Variants in FRMD3 observed in about 807,000 individuals in gnomAD.
FRMD3 encodes the protein FERM domain-containing protein 3.
Under a neutral mutation model 70.2 loss-of-function variants are expected in FRMD3, and 33 were observed. The observed-to-expected ratio is 0.47, with a 90% CI of 0.36 to 0.63. The LOEUF (loss-of-function observed/expected upper bound fraction) is 0.63. Among genes scored for constraint, FRMD3 ranks in the 20% least tolerant of loss-of-function variants. The probability of loss-of-function intolerance (pLI) is 0.00; values close to 1 mark genes in which losing one functional copy is unlikely to be tolerated. For missense variants in FRMD3, 632 were observed against 711.4 expected, an observed-to-expected ratio of 0.89 and a Z score of 1.27; for synonymous variants, 279 against 255.9, an observed-to-expected ratio of 1.09 and a Z score of -0.86.
intron 1 of FRMD3, among the ~76,000 whole-genome samples, chr9:83,508,901 T>C (rs1426367138): frequency 2.6e-5 from 4 of 152,136 alleles, no homozygotes; most frequent in African/African-American, 9.7e-5. Context: ...ATCTGGTCTG[T>C]TACAGAAAAA....
At chr9:83,258,733 A>C (rs534847840) in intron 13 of FRMD3, among the ~76,000 whole-genome samples, 1 of 152,304 alleles carries the variant, frequency 6.6e-6, no homozygotes, top group South Asian at 2.1e-4. Flanking sequence ...TGTCTTTCCT[A>C]TGTGAAATCT....
chr9:83,284,817 G>T (rs1320370722), intron 13 of FRMD3, among the ~76,000 whole-genome samples: 1 of 152,184 alleles, frequency 6.6e-6, no homozygotes, highest in Non-Finnish European at 1.5e-5. Flanking sequence ...ACGTCAGACA[G>T]GCAGGGAGGA....
At chr9:83,521,226 A>G (rs928181194) in intron 1 of FRMD3, among the ~76,000 whole-genome samples, 2 of 152,200 alleles carry the variant, frequency 1.3e-5, no homozygotes, top group African/African-American at 4.8e-5. Flanking sequence ...TTGTGAAACT[A>G]TCACCATCCC....
the FRMD3 span, among the ~76,000 whole-genome samples, chr9:83,560,073 C>T: frequency 6.6e-6 from 1 of 152,142 alleles, no homozygotes; most frequent in Non-Finnish European, 1.5e-5. Context: ...TCTAGCTGTC[C>T]ACCAAAATAC....
chr9:83,307,839 A>T (rs529466539), intron 10 of FRMD3, among the ~76,000 whole-genome samples: 233 of 152,240 alleles, frequency 1.5e-3, no homozygotes, highest in Middle Eastern at 3.4e-3. Context: ...AATTTTTTTT[A>T]AAACAAAATA....
At chr9:83,500,273 T>TACA (rs1281803824) in intron 1 of FRMD3, among the ~76,000 whole-genome samples, 1 of 152,076 alleles carries the variant, frequency 6.6e-6, no homozygotes, top group African/African-American at 2.4e-5. Flanking sequence ...TATAAAAGTT[T>TACA]GTCAATTACA....
At chr9:83,512,650 A>G (rs535710634) in intron 1 of FRMD3, among the ~76,000 whole-genome samples, 1 of 152,252 alleles carries the variant, frequency 6.6e-6, no homozygotes, top group South Asian at 2.1e-4. Flanking sequence ...AGCAAAACAA[A>G]TCTCCAGCCC....
At chr9:83,285,993 T>G (rs1834192761) in intron 13 of FRMD3, among the ~76,000 whole-genome samples, 1 of 151,976 alleles carries the variant, frequency 6.6e-6, no homozygotes, top group Non-Finnish European at 1.5e-5. Context: ...ACTGATTTTG[T>G]TTTTTCTCCA....
At chr9:83,474,010 C>T (rs1828333841) in intron 1 of FRMD3, among the ~76,000 whole-genome samples, 1 of 152,166 alleles carries the variant, frequency 6.6e-6, no homozygotes, top group African/African-American at 2.4e-5. Context: ...TATGTTTTTG[C>T]ATTCAATGCT....
chr9:83,507,694 AT>A (rs1440540982), intron 1 of FRMD3, among the ~76,000 whole-genome samples: 10 of 30,464 alleles, frequency 3.3e-4, no homozygotes, highest in Admixed American at 2.3e-3. Flanking sequence ...ATACATACAT[AT>A]ATATATATAT....
rs181863483 is a variant in FRMD3, at chr9:83,387,479, C to T, written c.252+2125G>A. Among the ~76,000 whole-genome samples the T allele has an allele frequency of 2.6e-3, 397 of 152,304 alleles. 3 individuals carry two copies. The highest frequency in any genetic ancestry group is 8.9e-3 in the African/African-American group (368 of 41,568). ...AGACGAGGCTATAATGAAGAACACTCATGGTACATGATAGATGCTCAACTA... is the reference window on the plus strand; with the variant it reads ...AGACGAGGCTATAATGAAGAACACTTATGGTACATGATAGATGCTCAACTA... On this transcript the variant is annotated intron_variant, in intron 2 of 13. Transcript: ENST00000304195.
Position 83,357,245 on chromosome 9 carries a change from ACATATATATATATATATATATATATATAT to A in FRMD3, c.296-7517_296-7489del, listed in dbSNP as rs1824405234. Among the ~76,000 whole-genome samples, 6 of 6,484 alleles carry A rather than the reference ACATATATATATATATATATATATATATAT, an allele frequency of 9.3e-4. 2 individuals carry two copies. The highest frequency in any genetic ancestry group is 1.2e-3 in the Non-Finnish European group (4 of 3,460). 4.3% of individuals were successfully genotyped at this position (6,484 alleles called of 152,430 possible). ...TATATTTTATATATATATAATACATACATATATATATATATATATATATATATATATATATATATATATATATATATAAA... is the reference window on the plus strand; with the variant it reads ...TATATTTTATATATATATAATACATAATATATATATATATATATATATAAA... On this transcript the variant is annotated intron_variant, in intron 3 of 13. Coordinates refer to ENST00000304195, the MANE Select transcript of FRMD3 (RefSeq NM_174938.6).
At chr9:83,522,075 G>A (rs1022184936) in intron 1 of FRMD3, among the ~76,000 whole-genome samples, 9 of 152,162 alleles carry the variant, frequency 5.9e-5, no homozygotes, top group Admixed American at 5.9e-4. Context: ...GGTGTGGGAC[G>A]TCTCTTGAAA....
Position 83,296,782 on chromosome 9 carries a change from A to G in FRMD3, c.1070+1966T>C, listed in dbSNP as rs149923555. 2.2e-3 allele frequency among the ~76,000 whole-genome samples: 329 copies of G among 152,316 alleles called. 6 individuals carry two copies. In the East Asian group the frequency reaches 0.054, roughly 25 times the overall value. ...CCACTTTCCTCGCACTCTGGGGTTC[A>G]GTCTACTCCAAGAAAAGTGCTTCAC... On this transcript the variant is annotated intron_variant, in intron 12 of 13. Coordinates refer to ENST00000304195, the MANE Select transcript of FRMD3 (RefSeq NM_174938.6).
At chr9:83,514,565 C>A (rs1207263864) in intron 1 of FRMD3, among the ~76,000 whole-genome samples, 4 of 152,180 alleles carry the variant, frequency 2.6e-5, no homozygotes, top group South Asian at 2.1e-4. Context: ...TCCAGCCTGC[C>A]AACTCTGAAG....
intron 1 of FRMD3, among the ~76,000 whole-genome samples, chr9:83,409,512 T>C (rs189029352): frequency 6.6e-6 from 1 of 152,318 alleles, no homozygotes; most frequent in Admixed American, 6.5e-5. Context: ...GTTCAGAGGA[T>C]GGACAAAAAC....
At chr9:83,490,792 T>TCACA (rs1316287299) in intron 1 of FRMD3, among the ~76,000 whole-genome samples, 12 of 119,406 alleles carry the variant, frequency 1.0e-4, no homozygotes, top group East Asian at 5.2e-4. Flanking sequence ...TCTCTCTCTC[T>TCACA]CTCTCTCACA....
intron 1 of FRMD3, among the ~76,000 whole-genome samples, chr9:83,461,164 A>C (rs999718751): frequency 6.6e-6 from 1 of 152,230 alleles, no homozygotes; most frequent in African/African-American, 2.4e-5. Context: ...GATCATACAC[A>C]TAGGCCCAAA....
chr9:83,445,062 C>T (rs1355619531), intron 1 of FRMD3, among the ~76,000 whole-genome samples: 1 of 152,164 alleles, frequency 6.6e-6, no homozygotes, highest in African/African-American at 2.4e-5. Flanking sequence ...AACTCAAATC[C>T]TGTGTAAAAT....
Sources: allele counts gnomAD v4.1 joint callset (sites outside exome capture counted in the v4.1 genomes callset), GRCh38; gene constraint gnomAD v4.1.1; transcripts MANE v1.5; gene names NCBI Gene and HGNC (gene_info 2026-07-23, HGNC 2026-07-21).